TACC2: variants seen among roughly 807,000 people sequenced by gnomAD.
The protein encoded by TACC2 is transforming acidic coiled-coil containing protein 2, also known as transforming acidic coiled-coil-containing protein 2.
In TACC2, 137 loss-of-function variants were observed where a neutral mutation model predicts 227.3. The ratio of observed to expected loss-of-function variants is 0.60; its 90% CI spans 0.52 to 0.69. TACC2 has a LOEUF of 0.69. Among genes scored for constraint, TACC2 ranks in the 30% least tolerant of loss-of-function variants. TACC2 has a pLI of 0.00. For synonymous variants in TACC2, 1,523 were observed against 1,487.5 expected (o/e 1.02, Z -0.55); for missense variants, 3,470 against 3,694.4 (o/e 0.94, Z 1.57).
At chr10:122,204,351 A>G (rs977508473) in intron 8 of TACC2, among the ~76,000 whole-genome samples, 9 of 152,172 alleles carry the variant, frequency 5.9e-5, no homozygotes, top group Admixed American at 2.0e-4. Context: ...TCTGCCTTCA[A>G]ATGAGCAGTT....
chr10:121,999,634 C>T (rs1954022823), intron 1 of TACC2, among the ~76,000 whole-genome samples: 1 of 152,216 alleles, frequency 6.6e-6, no homozygotes, highest in Non-Finnish European at 1.5e-5. Context: ...TTTACTGCCC[C>T]AGGACTGTCA....
At chr10:122,182,659 C>T (rs1331302762) in intron 7 of TACC2, among the ~76,000 whole-genome samples, 3 of 152,086 alleles carry the variant, frequency 2.0e-5, no homozygotes, top group Non-Finnish European at 2.9e-5. Context: ...AACTAAATGA[C>T]GAGTTATAAA....
chr10:122,224,152 G>T (rs775536424), intron 11 of TACC2, among the ~76,000 whole-genome samples: 26 of 152,168 alleles, frequency 1.7e-4, no homozygotes, highest in Non-Finnish European at 3.5e-4. Context: ...TTTGAAAATA[G>T]ATTTGGACCA....
intron 10 of TACC2, 133 bp downstream of exon 10, chr10:122,215,584 G>C (rs1309912141): frequency 1.3e-6 from 1 of 767,644 alleles, no homozygotes; most frequent in South Asian, 1.5e-5. Context: ...CTGTGTGGAG[G>C]GTCCCTCGAT....
At chr10:122,233,796 G>A (rs1443853721) in intron 16 of TACC2, among the ~76,000 whole-genome samples, 1 of 152,146 alleles carries the variant, frequency 6.6e-6, no homozygotes, top group African/African-American at 2.4e-5. Flanking sequence ...GACTCGGTGG[G>A]CAGGAGCGGC....
chr10:122,208,396 G>T (rs11200480), intron 8 of TACC2, among the ~76,000 whole-genome samples: 13,054 of 152,274 alleles, frequency 0.086, 962 homozygotes, highest in East Asian at 0.29. Context: ...CCAGGAGAAA[G>T]GTTGCTATGA....
chr10:122,219,374 G>A (rs937662736), intron 11 of TACC2, among the ~76,000 whole-genome samples: 4 of 152,192 alleles, frequency 2.6e-5, no homozygotes, highest in Non-Finnish European at 5.9e-5. Context: ...TAATAATGAT[G>A]TGTGTGCATT....
Position 122,254,151 on chromosome 10 carries a change from CTTTTTCGTATGCACTACTGT to C in TACC2, c.*96_*115del. On this transcript the variant is annotated 3_prime_UTR_variant, in exon 23 of 23. Coordinates refer to ENST00000369005, the MANE Select transcript of TACC2 (RefSeq NM_206862.4). ...GTTCCATGGACAGGTTCTGTTTTCA[CTTTTTCGTATGCACTACTGT>C]ATTTCCTTTCTAAATAAAATTGATT... The C allele has an allele frequency of 9.7e-7, 1 of 1,033,412 alleles. No individual in the cohort carries two copies. The highest frequency in any genetic ancestry group is 1.3e-5 in the South Asian group (1 of 79,068). 64.0% of individuals were successfully genotyped at this position (1,033,412 alleles called of 1,614,324 possible).
At chr10:122,132,783 T>C in intron 6 of TACC2, 49 bp downstream of exon 6, 3 of 1,602,844 alleles carry the variant, frequency 1.9e-6, no homozygotes, top group Non-Finnish European at 2.6e-6. Flanking sequence ...GGCCCAATCC[T>C]TGAGGCTGCC....
At position 122,210,305 on chromosome 10, in the gene TACC2, C is replaced by A. The variant is rs79645951; in HGVS notation, c.5972-92C>A. 6 of 1,050,700 alleles carry A rather than the reference C, an allele frequency of 5.7e-6. No individual in the cohort carries two copies. The African/African-American group carries it at 9.4e-5, about 16-fold the overall frequency. The allele number at this position is 1,050,700 out of a possible 1,614,324, so 65.1% of individuals were successfully genotyped here. A position where few individuals can be genotyped will look rare whatever the true frequency, so the allele number is the denominator to read the frequency against. On this transcript the variant is annotated intron_variant, in intron 8 of 22. Coordinates refer to ENST00000369005, the MANE Select transcript of TACC2 (RefSeq NM_206862.4). The surrounding 1 kb of genome is among the most constrained non-coding windows in gnomAD (Gnocchi z 4.6). ...GGCCTGGGGCCGTGGTTTGTCAACC[C>A]CTACGCTGGAGGGTGATGTTTTGGT...
intron 19 of TACC2, among the ~76,000 whole-genome samples, chr10:122,242,840 C>T (rs908729980): frequency 3.9e-5 from 6 of 152,084 alleles, no homozygotes; most frequent in Admixed American, 3.9e-4. Context: ...TGCTACGTTG[C>T]CCAGGCTGGT....
intron 2 of TACC2, among the ~76,000 whole-genome samples, chr10:122,048,122 A>G (rs1198718232): frequency 1.3e-5 from 2 of 152,324 alleles, no homozygotes; most frequent in East Asian, 3.9e-4. Flanking sequence ...GACTAGGCAG[A>G]TGATTTGCTT....
chr10:122,225,919 GC>G (rs1248232731), intron 12 of TACC2, among the ~76,000 whole-genome samples: 1 of 152,194 alleles, frequency 6.6e-6, no homozygotes, highest in Non-Finnish European at 1.5e-5. Context: ...CAGTCCCACA[GC>G]CCCTGTTTCT....
chr10:122,083,523 G>A lies in TACC2; in HGVS notation c.1023G>A (p.Leu341=). The change falls in exon 4 of 23, where the codon CTG becomes CTA. Residue 341 remains leucine, a synonymous_variant. Transcript: ENST00000369005. ...GCCAGCAGCCAGTGGGAGCATATCT[G>A]CCGCACGCAGAGCTGCCCTGGGGCT... is the stretch of plus-strand genomic sequence containing the variant. ...ESCQQPVGAY[L]PHAELPWGLP... is the part of the protein sequence containing the mutation. 3.1e-6 allele frequency: 5 copies of A among 1,613,250 alleles called. No individual in the cohort carries two copies. Among genetic ancestry groups the A allele is most frequent in the South Asian group, 1.1e-5 (1 of 91,088 alleles).
intron 6 of TACC2, among the ~76,000 whole-genome samples, chr10:122,137,284 TA>T (rs112823591): frequency 0.02 from 2,818 of 139,556 alleles, 38 homozygotes; most frequent in African/African-American, 0.047. Flanking sequence ...GTATTTTCAT[TA>T]AAAAAAAAAA....
chr10:122,160,968 G>C (rs1381667590), intron 7 of TACC2, among the ~76,000 whole-genome samples: 2 of 151,866 alleles, frequency 1.3e-5, no homozygotes, highest in African/African-American at 4.8e-5. Flanking sequence ...TTGGAGACAG[G>C]GTCTCGCTCT....
At chr10:122,039,058 C>T (rs909074152) in intron 2 of TACC2, among the ~76,000 whole-genome samples, 1 of 152,328 alleles carries the variant, frequency 6.6e-6, no homozygotes, top group African/African-American at 2.4e-5. Context: ...TCACTGTAAC[C>T]TCTGCCTCCT....
chr10:122,220,481 C>T (rs539267838), intron 11 of TACC2, among the ~76,000 whole-genome samples: 28 of 152,222 alleles, frequency 1.8e-4, no homozygotes, highest in African/African-American at 5.8e-4. Context: ...GCATCCACCT[C>T]GCTAACACAC....
chr10:122,251,546 T>C (rs754701796), intron 22 of TACC2, among the ~76,000 whole-genome samples: 4 of 152,122 alleles, frequency 2.6e-5, no homozygotes, highest in Non-Finnish European at 4.4e-5. Flanking sequence ...ATAAAGATCA[T>C]ACTAGAAGCC....
Sources: allele counts gnomAD v4.1 joint callset (sites outside exome capture counted in the v4.1 genomes callset), GRCh38; gene constraint gnomAD v4.1.1; non-coding constraint Gnocchi (gnomAD v3.1); transcripts MANE v1.5; gene names NCBI Gene and HGNC (gene_info 2026-07-23, HGNC 2026-07-21).